CA10: variants seen among roughly 807,000 people sequenced by gnomAD.
The protein encoded by CA10 is carbonic anhydrase-related protein 10.
CA10 carries 14 observed loss-of-function variants against 44.2 expected under a neutral mutation model. The observed-to-expected ratio is 0.32, with a 90% CI of 0.21 to 0.50. The LOEUF is 0.50. CA10 is among the 20% of genes least tolerant of loss of function. The probability of loss-of-function intolerance (pLI) is 0.99; values close to 1 mark genes in which losing one functional copy is unlikely to be tolerated. For missense variants in CA10, 350 were observed against 409.7 expected (o/e 0.85, Z 1.26); for synonymous variants, 159 against 141.6 (o/e 1.12, Z -0.87).
At chr17:52,049,580 G>A (rs1283305243) in intron 2 of CA10, among the ~76,000 whole-genome samples, 2 of 152,050 alleles carry the variant, frequency 1.3e-5, no homozygotes, top group Non-Finnish European at 2.9e-5. Flanking sequence ...ATCTCCTAAA[G>A]CGTTGTCTTT....
intron 2 of CA10, among the ~76,000 whole-genome samples, chr17:52,023,690 A>T (rs1986209636): frequency 2.6e-5 from 1 of 39,048 alleles, no homozygotes; most frequent in African/African-American, 5.9e-5. Context: ...GACAGCTTAC[A>T]GAATGGCAAA....
At chr17:51,698,771 G>C (rs1915487349) in intron 4 of CA10, among the ~76,000 whole-genome samples, 2 of 152,106 alleles carry the variant, frequency 1.3e-5, no homozygotes, top group African/African-American at 2.4e-5. Flanking sequence ...CTGTGAGCTT[G>C]ACTATTTTAG....
At chr17:51,769,729 T>A (rs1382787714) in intron 3 of CA10, among the ~76,000 whole-genome samples, 6 of 152,146 alleles carry the variant, frequency 3.9e-5, no homozygotes, top group South Asian at 2.1e-4. Flanking sequence ...AAACACTACT[T>A]CCTGGGCACT....
intron 4 of CA10, among the ~76,000 whole-genome samples, chr17:51,725,338 C>T (rs754120855): frequency 6.6e-6 from 1 of 152,216 alleles, no homozygotes; most frequent in South Asian, 2.1e-4. Flanking sequence ...TCATTGCTGT[C>T]GGCTTGAACT....
intron 2 of CA10, among the ~76,000 whole-genome samples, chr17:51,995,510 A>C (rs1165885159): frequency 6.6e-6 from 1 of 152,100 alleles, no homozygotes; most frequent in Admixed American, 6.6e-5. Flanking sequence ...AGAAAATTTT[A>C]AAAACCTCAT....
At chr17:51,680,645 C>G (rs894772277) in intron 4 of CA10, among the ~76,000 whole-genome samples, 1 of 152,132 alleles carries the variant, frequency 6.6e-6, no homozygotes, top group East Asian at 1.9e-4. Context: ...GATACTTACT[C>G]CCCAGGAGTC....
In CA10 at chr17:52,157,986, G is replaced by T. The variant is rs1444294016; in HGVS notation, c.-200C>A. 4 of 615,836 alleles carry T rather than the reference G, an allele frequency of 6.5e-6. No individual in the cohort carries two copies. Among genetic ancestry groups the T allele is most frequent in the African/African-American group, 1.8e-5 (1 of 54,414 alleles). 38.1% of individuals were successfully genotyped at this position (615,836 alleles called of 1,614,324 possible). On this transcript the variant is annotated 5_prime_UTR_variant, in exon 1 of 9. Coordinates refer to ENST00000451037, the MANE Select transcript of CA10 (RefSeq NM_020178.5). The stretch of plus-strand genomic sequence containing the variant: ...ATTGTTCCGGCAAATCTCCCCTCGG[G>T]CTCGACGGATGTGCGCCCCAGATGT...
chr17:51,943,604 C>A (rs1983166153), intron 2 of CA10, among the ~76,000 whole-genome samples: 1 of 152,172 alleles, frequency 6.6e-6, no homozygotes, highest in Admixed American at 6.5e-5. Flanking sequence ...CCTGGAGCAT[C>A]CTTCCTTACT....
At chr17:51,803,475 G>T (rs2143723200) in intron 3 of CA10, among the ~76,000 whole-genome samples, 1 of 152,264 alleles carries the variant, frequency 6.6e-6, no homozygotes, top group East Asian at 1.9e-4. Context: ...TCCTAGACTT[G>T]CAATCTAATA....
At chr17:51,903,038 G>T (rs1981387085) in intron 3 of CA10, among the ~76,000 whole-genome samples, 1 of 152,066 alleles carries the variant, frequency 6.6e-6, no homozygotes, top group South Asian at 2.1e-4. Flanking sequence ...TGAATTCCGG[G>T]GATGCACAGT....
chr17:51,804,512 A>G (rs979628340), intron 3 of CA10, among the ~76,000 whole-genome samples: 3 of 152,194 alleles, frequency 2.0e-5, no homozygotes, highest in African/African-American at 7.2e-5. Flanking sequence ...TTCATGGTCA[A>G]CTTTTGACTT....
chr17:51,731,986 C>T (rs1413011882), intron 4 of CA10, among the ~76,000 whole-genome samples: 1 of 152,188 alleles, frequency 6.6e-6, no homozygotes, highest in African/African-American at 2.4e-5. Context: ...CTCATACTAA[C>T]TCATTTTATC....
intron 2 of CA10, among the ~76,000 whole-genome samples, chr17:51,977,228 A>T (rs1598149202): frequency 6.6e-6 from 1 of 151,846 alleles, no homozygotes; most frequent in Non-Finnish European, 1.5e-5. Flanking sequence ...GACAAAGGGG[A>T]AAAAAACCCC....
intron 1 of CA10, among the ~76,000 whole-genome samples, chr17:52,123,912 G>T (rs1337871163): frequency 1.3e-5 from 2 of 152,052 alleles, no homozygotes; most frequent in Non-Finnish European, 2.9e-5. Context: ...CAGACCCTTG[G>T]GACCCTGTTT....
chr17:52,028,153 A>G (rs1986356884), intron 2 of CA10, among the ~76,000 whole-genome samples: 1 of 152,164 alleles, frequency 6.6e-6, no homozygotes, highest in African/African-American at 2.4e-5. Context: ...TGATGGTGTT[A>G]AAAACCCCAT....
At chr17:51,986,238 C>CA (rs1984833098) in intron 2 of CA10, among the ~76,000 whole-genome samples, 1 of 151,874 alleles carries the variant, frequency 6.6e-6, no homozygotes, top group Admixed American at 6.6e-5. Context: ...GCAAAGCAAA[C>CA]AAAAACAAAG....
At chr17:52,068,197 T>C (rs2143120948) in intron 2 of CA10, among the ~76,000 whole-genome samples, 1 of 152,278 alleles carries the variant, frequency 6.6e-6, no homozygotes, top group East Asian at 1.9e-4. Flanking sequence ...CTTGGGGTGG[T>C]TTCTCCCATG....
chr17:51,936,641 G>T (rs1042421685), intron 2 of CA10, among the ~76,000 whole-genome samples: 1 of 152,150 alleles, frequency 6.6e-6, no homozygotes, highest in Non-Finnish European at 1.5e-5. Flanking sequence ...ACCAGGAACA[G>T]ATGGCTCAGT....
At chr17:51,640,915 G>C (rs564206926) in intron 6 of CA10, among the ~76,000 whole-genome samples, 1 of 152,042 alleles carries the variant, frequency 6.6e-6, no homozygotes, top group Non-Finnish European at 1.5e-5. Flanking sequence ...AACTTCCAAG[G>C]CTCTATTCAT....
Sources: allele counts gnomAD v4.1 joint callset (sites outside exome capture counted in the v4.1 genomes callset), GRCh38; gene constraint gnomAD v4.1.1; transcripts MANE v1.5; gene names NCBI Gene and HGNC (gene_info 2026-07-23, HGNC 2026-07-21).